Variants in DPYD observed in about 807,000 individuals in gnomAD.
The protein encoded by DPYD is dihydropyrimidine dehydrogenase, also known as dihydropyrimidine dehydrogenase [NADP(+)].
DPYD carries 109 observed loss-of-function variants against 116.2 expected under a neutral mutation model. That is an observed-to-expected ratio of 0.94 (90% CI 0.80 to 1.10). The LOEUF (loss-of-function observed/expected upper bound fraction) is 1.10, where lower values mean the gene tolerates loss of function less well. DPYD is among the 50% of genes least tolerant of loss of function. DPYD has a pLI of 0.00. For missense variants in DPYD, 1,302 were observed against 1,254.5 expected, an observed-to-expected ratio of 1.04 and a Z score of -0.57; for synonymous variants, 440 against 432.0, an observed-to-expected ratio of 1.02 and a Z score of -0.23.
chr1:97,107,550 G>A (rs181049667), intron 20 of DPYD, among the ~76,000 whole-genome samples: 4 of 152,092 alleles, frequency 2.6e-5, no homozygotes, highest in East Asian at 3.9e-4. Flanking sequence ...TCACCTTCAC[G>A]AATATATCAG....
At chr1:97,197,922 A>G (rs1430000024) in intron 19 of DPYD, among the ~76,000 whole-genome samples, 1 of 152,194 alleles carries the variant, frequency 6.6e-6, no homozygotes, top group Non-Finnish European at 1.5e-5. Flanking sequence ...GGAGGGGACC[A>G]CTTCAGATAT....
At chr1:97,469,397 C>CAAAAAAAAAAAAAAAGAAAAAAA (rs1677504682) in intron 13 of DPYD, among the ~76,000 whole-genome samples, 4 of 80,800 alleles carry the variant, frequency 5.0e-5, no homozygotes, top group African/African-American at 5.4e-5. Flanking sequence ...GCTAAAATTG[C>CAAAAAAAAAAAAAAAGAAAAAAA]AAAAAAAAAA....
At chr1:97,788,175 T>C (rs1667139686) in intron 3 of DPYD, among the ~76,000 whole-genome samples, 1 of 152,104 alleles carries the variant, frequency 6.6e-6, no homozygotes, top group Non-Finnish European at 1.5e-5. Context: ...AGGAGGCACA[T>C]TAACAGAGAC....
At chr1:97,080,363 TG>T in intron 22 of DPYD, among the ~76,000 whole-genome samples, 1 of 152,200 alleles carries the variant, frequency 6.6e-6, no homozygotes, top group African/African-American at 2.4e-5. Flanking sequence ...TATATATGTG[TG>T]TATATATATA....
intron 8 of DPYD, among the ~76,000 whole-genome samples, chr1:97,621,058 G>A (rs1656606264): frequency 6.6e-6 from 1 of 152,042 alleles, no homozygotes; most frequent in African/African-American, 2.4e-5. Context: ...AGGCTGTAAT[G>A]CCTTTTGAAT....
intron 20 of DPYD, among the ~76,000 whole-genome samples, chr1:97,178,339 G>A (rs990412498): frequency 6.6e-6 from 1 of 152,116 alleles, no homozygotes; most frequent in African/African-American, 2.4e-5. Context: ...AACAGAGACT[G>A]GGTAATTTAC....
intron 12 of DPYD, among the ~76,000 whole-genome samples, chr1:97,519,327 T>G (rs2101985920): frequency 6.6e-6 from 1 of 152,226 alleles, no homozygotes; most frequent in South Asian, 2.1e-4. Flanking sequence ...GCTTATGCAG[T>G]GGAACTCCTC....
At chr1:97,399,991 T>A (rs1464664621) in intron 14 of DPYD, among the ~76,000 whole-genome samples, 1 of 152,156 alleles carries the variant, frequency 6.6e-6, no homozygotes, top group Non-Finnish European at 1.5e-5. Context: ...CTATGTTGAA[T>A]AGGAGTGGTG....
At chr1:97,767,830 A>C (rs1370577415) in intron 3 of DPYD, among the ~76,000 whole-genome samples, 2 of 150,426 alleles carry the variant, frequency 1.3e-5, no homozygotes, top group Non-Finnish European at 2.9e-5. Context: ...AGATTAACTA[A>C]CATCCAAATG....
chr1:97,829,185 T>C (rs1026114397), intron 2 of DPYD, among the ~76,000 whole-genome samples: 3 of 151,862 alleles, frequency 2.0e-5, no homozygotes, highest in Non-Finnish European at 4.4e-5. Flanking sequence ...ATTTTAGTAT[T>C]AATATGTTCT....
At chr1:97,282,326 G>T (rs1665379111) in intron 18 of DPYD, among the ~76,000 whole-genome samples, 1 of 151,784 alleles carries the variant, frequency 6.6e-6, no homozygotes, top group African/African-American at 2.4e-5. Context: ...AAGACAATAT[G>T]CAGTCAAATA....
At chr1:97,158,674 T>G (rs940859664) in intron 20 of DPYD, among the ~76,000 whole-genome samples, 11 of 151,842 alleles carry the variant, frequency 7.2e-5, no homozygotes, top group African/African-American at 2.7e-4. Context: ...AGAGAGAAAT[T>G]CGTCTTCTAA....
At chr1:97,821,731 C>A (rs1668950176) in intron 3 of DPYD, among the ~76,000 whole-genome samples, 1 of 152,176 alleles carries the variant, frequency 6.6e-6, no homozygotes, top group African/African-American at 2.4e-5. Flanking sequence ...CTGCAGTGAA[C>A]TTCTCCATTG....
At position 97,699,478 on chromosome 1, in the gene DPYD, C is replaced by A. The variant is rs374531732; in HGVS notation, c.553G>T (p.Ala185Ser). 1 of 1,613,562 alleles carries A rather than the reference C, an allele frequency of 6.2e-7. No homozygotes were observed. The highest frequency in any genetic ancestry group is 1.1e-5 in the South Asian group (1 of 91,048). Residue 185 changes from alanine to serine, a missense_variant, in exon 6 of 23, where the codon GCC becomes TCC. Ala to Ser is a moderately conservative substitution (Grantham distance 99). Coordinates refer to ENST00000370192, the MANE Select transcript of DPYD (RefSeq NM_000110.4). ...SLPPPEKMSE[A>S]YSAKIALFGA... ...AAAAGAGCAATCTTTGCAGAATAGGCTTCAGACATTTTTTCTGGGGGAGGC... is the reference window on the plus strand; with the variant it reads ...AAAAGAGCAATCTTTGCAGAATAGGATTCAGACATTTTTTCTGGGGGAGGC...
chr1:97,414,454 T>A (rs115228410), intron 14 of DPYD, among the ~76,000 whole-genome samples: 2,002 of 152,276 alleles, frequency 0.013, 45 homozygotes, highest in African/African-American at 0.046. Context: ...GTGGCTACAT[T>A]TCATGTATTA....
At chr1:97,238,934 A>G (rs950791696) in intron 18 of DPYD, among the ~76,000 whole-genome samples, 1 of 152,220 alleles carries the variant, frequency 6.6e-6, no homozygotes, top group African/African-American at 2.4e-5. Context: ...GGAATCCTCC[A>G]ATAAAAATCA....
chr1:97,705,449 C>A (rs139104094), intron 5 of DPYD, among the ~76,000 whole-genome samples: 1,925 of 152,162 alleles, frequency 0.013, 42 homozygotes, highest in African/African-American at 0.044. Context: ...CATGTCCCTA[C>A]AAAGGACATG....
intron 12 of DPYD, among the ~76,000 whole-genome samples, chr1:97,518,120 G>A (rs1477174277): frequency 6.6e-6 from 1 of 151,888 alleles, no homozygotes; most frequent in South Asian, 2.1e-4. Context: ...GACACATTTT[G>A]CAAGATTTTC....
At chr1:97,567,909 A>G (rs1180229922) in intron 11 of DPYD, among the ~76,000 whole-genome samples, 2 of 152,036 alleles carry the variant, frequency 1.3e-5, no homozygotes, top group Admixed American at 1.3e-4. Context: ...TTTAGGGTAC[A>G]TATGCACAAC....
Sources: allele counts gnomAD v4.1 joint callset (sites outside exome capture counted in the v4.1 genomes callset), GRCh38; gene constraint gnomAD v4.1.1; transcripts MANE v1.5; gene names NCBI Gene and HGNC (gene_info 2026-07-23, HGNC 2026-07-21).